ZRANB3: variants seen among roughly 807,000 people sequenced by gnomAD.
ZRANB3 encodes the protein zinc finger RANBP2-type containing 3.
A neutral mutation model predicts 133.8 loss-of-function variants in ZRANB3; 125 were observed. The ratio of observed to expected loss-of-function variants is 0.93; its 90% CI spans 0.81 to 1.08. The LOEUF is 1.08. ZRANB3 is among the 50% of genes least tolerant of loss of function. ZRANB3 has a pLI of 0.00. For missense variants in ZRANB3, 1,229 were observed against 1,275.5 expected (o/e 0.96, Z 0.56); for synonymous variants, 387 against 432.7 (o/e 0.89, Z 1.31).
chr2:135,503,111 T>C (rs1199750762), intron 2 of ZRANB3, among the ~76,000 whole-genome samples: 1 of 152,180 alleles, frequency 6.6e-6, no homozygotes, highest in Non-Finnish European at 1.5e-5. Flanking sequence ...GATGATGGGT[T>C]TGGGTTATAA....
At chr2:135,396,457 T>C (rs779768438) in intron 2 of ZRANB3, among the ~76,000 whole-genome samples, 33 of 152,290 alleles carry the variant, frequency 2.2e-4, no homozygotes, top group Middle Eastern at 6.8e-3. Context: ...GTGGTACATA[T>C]ACACAATGGA....
In ZRANB3 at chr2:135,345,558, TG is replaced by T; in HGVS notation, c.668del (p.Ala223AspfsTer27). 1 of 1,610,864 alleles carries T rather than the reference TG, an allele frequency of 6.2e-7. No individual in the cohort carries two copies. Among genetic ancestry groups the T allele is most frequent in the Non-Finnish European group, 8.5e-7 (1 of 1,178,208 alleles). ...WTDYAKRYCN[A>X]HIRYFGKRPQ... ...AAAATAGTTTAACTTACCTGATGTG[TG>T]CATTACAGTATCTTTTTGCATAGTC... On this transcript the variant is annotated frameshift_variant, in exon 6 of 21. Coordinates refer to ENST00000264159, the MANE Select transcript of ZRANB3 (RefSeq NM_032143.4). LOFTEE classifies it high-confidence loss of function.
chr2:135,317,605 T>A (rs1420488794), intron 6 of ZRANB3, among the ~76,000 whole-genome samples: 1 of 152,098 alleles, frequency 6.6e-6, no homozygotes, highest in Non-Finnish European at 1.5e-5. Flanking sequence ...TCCTGCAGAG[T>A]ACCAACAGTT....
At chr2:135,386,184 T>G (rs1396654785) in intron 3 of ZRANB3, among the ~76,000 whole-genome samples, 1 of 152,052 alleles carries the variant, frequency 6.6e-6, no homozygotes, top group Non-Finnish European at 1.5e-5. Flanking sequence ...GGGCAAAGGA[T>G]ATGAACAGAC....
At chr2:135,330,632 G>A (rs904283998) in intron 6 of ZRANB3, among the ~76,000 whole-genome samples, 6 of 152,140 alleles carry the variant, frequency 3.9e-5, no homozygotes, top group East Asian at 1.9e-4. Context: ...GGAATGGCAC[G>A]AGCTCCTCTT....
intron 17 of ZRANB3, among the ~76,000 whole-genome samples, chr2:135,212,982 G>A (rs1444000643): frequency 6.6e-6 from 1 of 152,132 alleles, no homozygotes; most frequent in East Asian, 1.9e-4. Context: ...AAATGTAAAA[G>A]TGAGACATTC....
chr2:135,416,473 C>A (rs543480908), intron 2 of ZRANB3, among the ~76,000 whole-genome samples: 1 of 151,714 alleles, frequency 6.6e-6, no homozygotes, highest in African/African-American at 2.4e-5. Context: ...ACAAACAAAT[C>A]GAAGAACATT....
intron 2 of ZRANB3, among the ~76,000 whole-genome samples, chr2:135,411,770 G>A (rs1184947006): frequency 6.6e-6 from 1 of 152,052 alleles, no homozygotes; most frequent in Non-Finnish European, 1.5e-5. Context: ...TCCAAAAGGG[G>A]GTAGAGGCAA....
intron 8 of ZRANB3, among the ~76,000 whole-genome samples, chr2:135,277,354 C>T (rs1680878228): frequency 6.6e-6 from 1 of 152,170 alleles, no homozygotes; most frequent in African/African-American, 2.4e-5. Context: ...TATACATGCG[C>T]AGAGCTTCTA....
intron 2 of ZRANB3, among the ~76,000 whole-genome samples, chr2:135,398,696 TG>T (rs1330891869): frequency 9.9e-5 from 15 of 151,442 alleles, no homozygotes; most frequent in Non-Finnish European, 2.2e-4. Context: ...TTTTTTTTTT[TG>T]TATTTTTAGT....
At position 135,356,473 on chromosome 2, in the gene ZRANB3, G is replaced by A. The variant is rs531441007; in HGVS notation, c.181-2845C>T. On this transcript the variant is annotated intron_variant, in intron 3 of 20. Transcript: ENST00000264159. ...AAGAAGTTTTAGGTTGACGACAGGCGAAGAAAAGGGAAACTAGCATAAGTA... is the reference window on the plus strand; with the variant it reads ...AAGAAGTTTTAGGTTGACGACAGGCAAAGAAAAGGGAAACTAGCATAAGTA... Among the ~76,000 whole-genome samples the A allele has an allele frequency of 2.0e-4, 31 of 152,052 alleles. 1 individual carries two copies. The highest frequency in any genetic ancestry group is 4.0e-4 in the Non-Finnish European group (27 of 68,032).
intron 6 of ZRANB3, among the ~76,000 whole-genome samples, chr2:135,323,302 G>T (rs996236209): frequency 2.0e-5 from 3 of 152,154 alleles, no homozygotes; most frequent in Middle Eastern, 3.2e-3. Flanking sequence ...GTAACAGAAT[G>T]TTTAGTTCTG....
At chr2:135,335,023 A>T (rs1684308306) in intron 6 of ZRANB3, among the ~76,000 whole-genome samples, 1 of 152,160 alleles carries the variant, frequency 6.6e-6, no homozygotes, top group African/African-American at 2.4e-5. Context: ...TGTACCTATC[A>T]ACCCATCACC....
chr2:135,405,975 T>C (rs1036667209), intron 2 of ZRANB3, among the ~76,000 whole-genome samples: 4 of 151,114 alleles, frequency 2.6e-5, no homozygotes, highest in African/African-American at 9.7e-5. Context: ...AAGATCAGAG[T>C]AGAACTGAAG....
intron 1 of ZRANB3, among the ~76,000 whole-genome samples, chr2:135,515,095 ATCTT>A (rs539831784): frequency 4.5e-4 from 68 of 152,138 alleles, no homozygotes; most frequent in Non-Finnish European, 9.0e-4. Context: ...GCCAGAAATC[ATCTT>A]TTTTTGTTGT....
intron 2 of ZRANB3, among the ~76,000 whole-genome samples, chr2:135,476,690 CCTTT>C (rs945452040): frequency 5.3e-5 from 8 of 149,544 alleles, no homozygotes; most frequent in Middle Eastern, 3.2e-3. Context: ...TATTTCTTTT[CCTTT>C]TTTTTTTTTT....
intron 2 of ZRANB3, among the ~76,000 whole-genome samples, chr2:135,445,665 C>A (rs866071046): frequency 1.4e-4 from 20 of 148,036 alleles, no homozygotes; most frequent in Middle Eastern, 3.7e-3. Flanking sequence ...ATCACAAGGT[C>A]AGGAGTTCGA....
At chr2:135,458,353 C>A (rs957133888) in intron 2 of ZRANB3, among the ~76,000 whole-genome samples, 3 of 151,864 alleles carry the variant, frequency 2.0e-5, no homozygotes, top group Admixed American at 2.0e-4. Flanking sequence ...TATCTTGGAT[C>A]CTTTGCATTT....
chr2:135,293,602 C>A (rs375751316), intron 8 of ZRANB3, among the ~76,000 whole-genome samples: 1 of 152,054 alleles, frequency 6.6e-6, no homozygotes, highest in East Asian at 1.9e-4. Flanking sequence ...TCTCCTGCCT[C>A]ATTGCCCTGG....
Sources: allele counts gnomAD v4.1 joint callset (sites outside exome capture counted in the v4.1 genomes callset), GRCh38; gene constraint gnomAD v4.1.1; transcripts MANE v1.5; gene names NCBI Gene and HGNC (gene_info 2026-07-23, HGNC 2026-07-21).